The following PRKG1 variants were observed in gnomAD, a reference collection of about 807,000 sequenced individuals.
The protein encoded by PRKG1 is protein kinase cGMP-dependent 1, also known as cGMP-dependent protein kinase 1.
In PRKG1, 35 loss-of-function variants were observed where a neutral mutation model predicts 88.1. The ratio of observed to expected loss-of-function variants is 0.40; its 90% CI spans 0.30 to 0.53. The LOEUF is 0.53. PRKG1 is among the 20% of genes least tolerant of loss of function. PRKG1 has a pLI of 0.59. For missense variants in PRKG1, 540 were observed against 839.8 expected, an observed-to-expected ratio of 0.64 and a Z score of 4.41; for synonymous variants, 303 against 292.5, an observed-to-expected ratio of 1.04 and a Z score of -0.37.
intron 1 of PRKG1, among the ~76,000 whole-genome samples, chr10:51,116,891 G>A (rs1845135837): frequency 6.6e-6 from 1 of 152,194 alleles, no homozygotes; most frequent in Admixed American, 6.5e-5. Context: ...TGTGCAGGAT[G>A]AGTAGAGGTG....
At chr10:50,999,602 G>A (rs80144714) in intron 1 of PRKG1, among the ~76,000 whole-genome samples, 3,173 of 152,084 alleles carry the variant, frequency 0.021, 104 homozygotes, top group African/African-American at 0.071. Flanking sequence ...AACCTTATAG[G>A]GTTCTAAAAA....
intron 4 of PRKG1, among the ~76,000 whole-genome samples, chr10:51,906,402 A>C (rs539173744): frequency 6.6e-6 from 1 of 152,268 alleles, no homozygotes; most frequent in African/African-American, 2.4e-5. Context: ...GTTGGTTTAC[A>C]GCTTGATTGT....
At chr10:51,259,226 G>A (rs2132155794) in intron 2 of PRKG1, among the ~76,000 whole-genome samples, 1 of 152,194 alleles carries the variant, frequency 6.6e-6, no homozygotes, top group East Asian at 1.9e-4. Context: ...ACAACCATCA[G>A]TTGTTACCTA....
intron 3 of PRKG1, among the ~76,000 whole-genome samples, chr10:51,783,471 G>A (rs963184719): frequency 6.6e-6 from 1 of 152,094 alleles, no homozygotes; most frequent in African/African-American, 2.4e-5. Context: ...TAGAGGTGGG[G>A]TTTCATCACC....
At chr10:51,972,591 C>T (rs1843736447) in intron 5 of PRKG1, among the ~76,000 whole-genome samples, 1 of 152,166 alleles carries the variant, frequency 6.6e-6, no homozygotes, top group Admixed American at 6.5e-5. Flanking sequence ...TTGTGAGTTT[C>T]TGTTTATTAT....
At chr10:51,966,734 C>A (rs142045548) in intron 5 of PRKG1, among the ~76,000 whole-genome samples, 2 of 152,166 alleles carry the variant, frequency 1.3e-5, no homozygotes, top group Non-Finnish European at 2.9e-5. Flanking sequence ...GCCAGCAGCG[C>A]CCTGGTGTGC....
intron 2 of PRKG1, among the ~76,000 whole-genome samples, chr10:51,214,703 G>T (rs1838324037): frequency 6.6e-6 from 1 of 151,638 alleles, no homozygotes; most frequent in Middle Eastern, 3.2e-3. Context: ...ATCTCAAACC[G>T]CTGAGCTCAA....
intron 7 of PRKG1, among the ~76,000 whole-genome samples, chr10:52,068,020 C>T (rs557857628): frequency 8.6e-6 from 1 of 115,958 alleles, no homozygotes; most frequent in African/African-American, 2.6e-5. Flanking sequence ...CTGGCTAACA[C>T]GGTGAAACCC....
chr10:51,766,775 G>A (rs914361280), intron 3 of PRKG1, among the ~76,000 whole-genome samples: 2 of 152,138 alleles, frequency 1.3e-5, no homozygotes, highest in Admixed American at 6.6e-5. Context: ...GAGGGTTGGG[G>A]CTTTAACATG....
intron 4 of PRKG1, among the ~76,000 whole-genome samples, chr10:51,862,868 A>G (rs903803859): frequency 2.9e-4 from 44 of 152,160 alleles, no homozygotes; most frequent in African/African-American, 9.2e-4. Flanking sequence ...TATAAATCCT[A>G]TGTTACAGTG....
At chr10:51,576,677 A>G (rs1424307491) in intron 3 of PRKG1, among the ~76,000 whole-genome samples, 1 of 152,000 alleles carries the variant, frequency 6.6e-6, no homozygotes, top group East Asian at 1.9e-4. Context: ...CCCAGCAACA[A>G]GGTAAGAGAG....
At chr10:52,105,162 T>C (rs1847385163) in intron 7 of PRKG1, among the ~76,000 whole-genome samples, 1 of 152,150 alleles carries the variant, frequency 6.6e-6, no homozygotes, top group Non-Finnish European at 1.5e-5. Context: ...ATGGTTGCTT[T>C]ATTGTTTGGT....
intron 2 of PRKG1, among the ~76,000 whole-genome samples, chr10:51,213,432 G>A (rs377520597): frequency 2.7e-4 from 41 of 152,064 alleles, no homozygotes; most frequent in Non-Finnish European, 4.1e-4. Flanking sequence ...AAACCTGCAC[G>A]TTGTGCACAT....
intron 5 of PRKG1, among the ~76,000 whole-genome samples, chr10:51,929,294 C>G (rs1842639435): frequency 6.6e-6 from 1 of 151,192 alleles, no homozygotes; most frequent in South Asian, 2.1e-4. Context: ...CTTTTGACCC[C>G]AGCTACATAA....
chr10:52,230,996 T>C (rs566582066), intron 9 of PRKG1: 2 of 152,376 alleles, frequency 1.3e-5, no homozygotes, highest in African/African-American at 4.8e-5. Flanking sequence ...AAGAGAAATC[T>C]ATGTGGTCAT....
intron 5 of PRKG1, among the ~76,000 whole-genome samples, chr10:51,985,576 A>G (rs564129258): frequency 4.6e-5 from 7 of 152,170 alleles, no homozygotes; most frequent in Non-Finnish European, 1.0e-4. Context: ...ATAAAGAAAA[A>G]AACATCATTT....
At chr10:51,658,418 G>A (rs1840215240) in intron 3 of PRKG1, among the ~76,000 whole-genome samples, 1 of 152,070 alleles carries the variant, frequency 6.6e-6, no homozygotes, top group African/African-American at 2.4e-5. Context: ...AATAGACATA[G>A]GGCAGGCACA....
intron 1 of PRKG1, among the ~76,000 whole-genome samples, chr10:51,044,394 A>G (rs1843462014): frequency 1.3e-5 from 2 of 152,180 alleles, no homozygotes; most frequent in Admixed American, 1.3e-4. Flanking sequence ...TTGATTAAAC[A>G]TCAAAGGAGG....
chr10:51,087,319 AATG>A (rs917391344), intron 1 of PRKG1, among the ~76,000 whole-genome samples: 1 of 149,980 alleles, frequency 6.7e-6, no homozygotes, highest in Non-Finnish European at 1.5e-5. Flanking sequence ...TGATGATGAT[AATG>A]ATGATAATTA....
Sources: gnomAD v4.1 joint callset for allele counts (sites outside exome capture counted in the v4.1 genomes callset) on GRCh38, gnomAD v4.1.1 for gene constraint, MANE v1.5 for transcripts, NCBI Gene and HGNC (gene_info 2026-07-23, HGNC 2026-07-21) for gene names.